The following APBB1IP variants were observed in gnomAD, a reference collection of about 807,000 sequenced individuals.
The protein encoded by APBB1IP is amyloid beta A4 precursor protein-binding family B member 1-interacting protein.
Under a neutral mutation model 64.9 loss-of-function variants are expected in APBB1IP, and 27 were observed. The observed-to-expected ratio is 0.42, with a 90% CI of 0.31 to 0.57. The LOEUF is 0.57. APBB1IP is among the 20% of genes least tolerant of loss of function. APBB1IP has a pLI of 0.20. For missense variants in APBB1IP, 812 were observed against 845.5 expected (o/e 0.96, Z 0.49); for synonymous variants, 392 against 331.0 (o/e 1.18, Z -2.00).
At chr10:26,521,657 G>T (rs141857491) in intron 8 of APBB1IP, among the ~76,000 whole-genome samples, 1 of 152,242 alleles carries the variant, frequency 6.6e-6, no homozygotes, top group African/African-American at 2.4e-5. Flanking sequence ...CTGTGCTTGC[G>T]TAACCCTAGA....
chr10:26,549,887 T>C (rs547551171), intron 11 of APBB1IP, among the ~76,000 whole-genome samples: 1 of 152,212 alleles, frequency 6.6e-6, no homozygotes, highest in Non-Finnish European at 1.5e-5. Context: ...TCCTACTAAT[T>C]TGGGGTTTAG....
intron 7 of APBB1IP, 144 bp from the exon 8 acceptor site, chr10:26,513,395 C>T: frequency 2.5e-6 from 2 of 807,958 alleles, no homozygotes; most frequent in South Asian, 3.4e-5. Flanking sequence ...AGAAATGTTA[C>T]AGTGTGGCAT....
chr10:26,526,684 ACT>A (rs879515161), intron 8 of APBB1IP, among the ~76,000 whole-genome samples: 489 of 152,200 alleles, frequency 3.2e-3, no homozygotes, highest in South Asian at 7.7e-3. Context: ...ACACCATTGC[ACT>A]CCAGCCTGGG....
In APBB1IP at chr10:26,530,232, T is replaced by TCA. The variant is rs71401902; in HGVS notation, c.814-3207_814-3206insCA. 8.0e-5 allele frequency among the ~76,000 whole-genome samples: 10 copies of TCA among 124,446 alleles called. No homozygotes were observed. The South Asian group carries it at 2.7e-3, about 33-fold the overall frequency. The allele number at this position is 124,446 out of a possible 152,430, so 81.6% of individuals were successfully genotyped here. Reference sequence around the variant, plus strand: ...TTAAAGCTTTTTTTTCTTTTTCTTTTTTTTTTTTTTTTTGAGACGAGGCCC... The same window carrying TCA: ...TTAAAGCTTTTTTTTCTTTTTCTTTTCATTTTTTTTTTTTTGAGACGAGGCCC... On this transcript the variant is annotated intron_variant, in intron 8 of 14. Transcript: ENST00000376236.
chr10:26,442,175 C>T (rs560408603), intron 2 of APBB1IP, among the ~76,000 whole-genome samples: 1 of 152,260 alleles, frequency 6.6e-6, no homozygotes, highest in South Asian at 2.1e-4. Context: ...CCCTGGTCTC[C>T]CCAACCAGGG....
At chr10:26,530,861 T>G (rs1361884936) in intron 8 of APBB1IP, among the ~76,000 whole-genome samples, 1 of 152,164 alleles carries the variant, frequency 6.6e-6, no homozygotes. Flanking sequence ...AGCATAGGTT[T>G]CCAGCAGGTA....
chr10:26,545,911 A>G (rs1836759731), intron 11 of APBB1IP, among the ~76,000 whole-genome samples: 1 of 152,170 alleles, frequency 6.6e-6, no homozygotes, highest in Non-Finnish European at 1.5e-5. Context: ...AGATCACGCC[A>G]CTGCACTCCA....
chr10:26,496,152 A>C, intron 3 of APBB1IP, 152 bp from the exon 4 acceptor site: 1 of 485,562 alleles, frequency 2.1e-6, no homozygotes, highest in Non-Finnish European at 3.6e-6. Context: ...GAAAAATTAC[A>C]TAAAACATTT....
At chr10:26,451,392 C>A (rs897644417) in intron 2 of APBB1IP, among the ~76,000 whole-genome samples, 1 of 152,188 alleles carries the variant, frequency 6.6e-6, no homozygotes, top group Non-Finnish European at 1.5e-5. Context: ...CCCAGCCTAG[C>A]GTTGCTTCCT....
At chr10:26,450,317 T>G (rs949549745) in intron 2 of APBB1IP, among the ~76,000 whole-genome samples, 4 of 152,184 alleles carry the variant, frequency 2.6e-5, no homozygotes, top group African/African-American at 7.2e-5. Flanking sequence ...AAAACAAAAT[T>G]AAATCCCCCC....
At chr10:26,450,215 T>C (rs1398311263) in intron 2 of APBB1IP, among the ~76,000 whole-genome samples, 1 of 152,216 alleles carries the variant, frequency 6.6e-6, no homozygotes, top group Admixed American at 6.5e-5. Flanking sequence ...ACTCAGCCAT[T>C]AAATGCGTCT....
At chr10:26,479,020 G>A (rs1835807516) in intron 2 of APBB1IP, among the ~76,000 whole-genome samples, 1 of 35,376 alleles carries the variant, frequency 2.8e-5, no homozygotes, top group Non-Finnish European at 4.4e-5. Flanking sequence ...TTTAAAAATT[G>A]ACATATATTC....
chr10:26,558,615 TA>T (rs535098612), intron 11 of APBB1IP, among the ~76,000 whole-genome samples: 9,944 of 131,156 alleles, frequency 0.076, 352 homozygotes, highest in African/African-American at 0.13. Flanking sequence ...AGTGTTTCTT[TA>T]AAAAAAAAAA....
chr10:26,444,750 A>G (rs1835373272), intron 2 of APBB1IP, among the ~76,000 whole-genome samples: 1 of 152,182 alleles, frequency 6.6e-6, no homozygotes, highest in Non-Finnish European at 1.5e-5. Flanking sequence ...TATTTTGCAA[A>G]TTAGAAATGA....
chr10:26,524,997 G>A (rs1836455437), intron 8 of APBB1IP, among the ~76,000 whole-genome samples: 1 of 99,444 alleles, frequency 1.0e-5, no homozygotes, highest in Non-Finnish European at 2.0e-5. Context: ...ATCCTGGCAA[G>A]AGAAAAAAAA....
chr10:26,450,771 C>G (rs1835456971), intron 2 of APBB1IP, among the ~76,000 whole-genome samples: 1 of 151,502 alleles, frequency 6.6e-6, no homozygotes, highest in Admixed American at 6.6e-5. Context: ...TCTAAGCTCA[C>G]TGCAACCTCT....
rs1312045902 is a variant in APBB1IP at position 26,511,926 on chromosome 10, A to AT, written c.691+21dup. The AT allele has an allele frequency of 6.2e-7, 1 of 1,613,610 alleles. No individual in the cohort carries two copies. Among genetic ancestry groups the AT allele is most frequent in the Non-Finnish European group, 8.5e-7 (1 of 1,179,516 alleles). Reference sequence around the variant, plus strand: ...AAATTGGTAAGTCCCATCCCCAGCAATGGGCTGTACTCCAAAAACCTTGTG... The same window carrying AT: ...AAATTGGTAAGTCCCATCCCCAGCAATTGGGCTGTACTCCAAAAACCTTGTG... On this transcript the variant is annotated intron_variant, in intron 7 of 14. Transcript: ENST00000376236.
chr10:26,547,215 C>T (rs1053647642), intron 11 of APBB1IP, among the ~76,000 whole-genome samples: 3 of 152,242 alleles, frequency 2.0e-5, no homozygotes, highest in East Asian at 1.9e-4. Context: ...TATCTATTCA[C>T]GTCTTTTGTC....
chr10:26,460,317 G>T (rs1835574462), intron 2 of APBB1IP, among the ~76,000 whole-genome samples: 1 of 152,186 alleles, frequency 6.6e-6, no homozygotes, highest in Non-Finnish European at 1.5e-5. Flanking sequence ...ATTTTAGAAT[G>T]TAGTCAAGAA....
Sources: allele counts gnomAD v4.1 joint callset (sites outside exome capture counted in the v4.1 genomes callset), GRCh38; gene constraint gnomAD v4.1.1; transcripts MANE v1.5; gene names NCBI Gene and HGNC (gene_info 2026-07-23, HGNC 2026-07-21).